The following FBN2 variants were observed in gnomAD, a reference collection of about 807,000 sequenced individuals.
The protein encoded by FBN2 is fibrillin 2, also known as fibrillin-2.
Under a neutral mutation model 355.6 loss-of-function variants are expected in FBN2, and 105 were observed. The observed-to-expected ratio is 0.30, with a 90% confidence interval of 0.25 to 0.35. The LOEUF is 0.35. Ranked by LOEUF, FBN2 falls within the 10% of genes least tolerant of loss-of-function variation. The pLI is 1.00. For synonymous variants in FBN2, 1,350 were observed against 1,301.2 expected (o/e 1.04, Z -0.81); for missense variants, 3,280 against 3,758.7 (o/e 0.87, Z 3.33).
intron 5 of FBN2, among the ~76,000 whole-genome samples, chr5:128,468,400 A>G (rs1561471454): frequency 6.6e-6 from 1 of 152,178 alleles, no homozygotes; most frequent in African/African-American, 2.4e-5. Flanking sequence ...CATCTGCATG[A>G]AAGTCTTTGT....
intron 15 of FBN2, among the ~76,000 whole-genome samples, chr5:128,372,750 C>T (rs1751974546): frequency 6.6e-6 from 1 of 152,120 alleles, no homozygotes; most frequent in Non-Finnish European, 1.5e-5. Context: ...ACTCGGAATC[C>T]CAAAGTGCTG....
intron 19 of FBN2, among the ~76,000 whole-genome samples, chr5:128,358,897 G>A (rs539138751): frequency 2.6e-5 from 4 of 151,932 alleles, no homozygotes; most frequent in South Asian, 2.1e-4. Context: ...AAACATATGC[G>A]CTGACAACTA....
chr5:128,497,887 G>A (rs1315041720), intron 5 of FBN2, among the ~76,000 whole-genome samples: 2 of 152,272 alleles, frequency 1.3e-5, no homozygotes, highest in Middle Eastern at 3.4e-3. Flanking sequence ...AACATACTTA[G>A]TGAAATAACT....
intron 7 of FBN2, among the ~76,000 whole-genome samples, chr5:128,427,290 A>G (rs543747560): frequency 6.0e-4 from 91 of 152,318 alleles, no homozygotes; most frequent in African/African-American, 2.1e-3. Context: ...GAGCAACTTA[A>G]TAAGCAAGAA....
At chr5:128,442,223 G>A (rs568377374) in intron 7 of FBN2, 10 of 431,662 alleles carry the variant, frequency 2.3e-5, no homozygotes, top group South Asian at 1.7e-4. Flanking sequence ...GCCATTTAAG[G>A]GAAACTTTCC....
intron 8 of FBN2, among the ~76,000 whole-genome samples, chr5:128,402,652 T>C (rs1401159995): frequency 6.6e-6 from 1 of 152,128 alleles, no homozygotes; most frequent in Non-Finnish European, 1.5e-5. Context: ...CATTAAGAAA[T>C]GAAGGGTTCA....
At chr5:128,456,002 A>AAAAAAAAAAAAAAAAC in intron 6 of FBN2, among the ~76,000 whole-genome samples, 1 of 140,772 alleles carries the variant, frequency 7.1e-6, no homozygotes, top group Non-Finnish European at 1.5e-5. Flanking sequence ...AAAAAAAAAA[A>AAAAAAAAAAAAAAAAC]AAAAAAAAAA....
At chr5:128,449,418 CTATATAATAGTATA>C (rs1754171000) in intron 6 of FBN2, among the ~76,000 whole-genome samples, 1 of 140,856 alleles carries the variant, frequency 7.1e-6, no homozygotes, top group Non-Finnish European at 1.5e-5. Flanking sequence ...ATATAGTATA[CTATATAATAGTATA>C]CTGTATAATT....
intron 7 of FBN2, among the ~76,000 whole-genome samples, chr5:128,435,385 A>T (rs981222140): frequency 6.6e-6 from 1 of 152,186 alleles, no homozygotes; most frequent in Non-Finnish European, 1.5e-5. Flanking sequence ...TTTTTAAAAG[A>T]ATTTATTTAT....
intron 55 of FBN2, among the ~76,000 whole-genome samples, chr5:128,283,390 TGAA>T (rs1554117542): frequency 6.6e-6 from 1 of 152,236 alleles, no homozygotes; most frequent in Non-Finnish European, 1.5e-5. Flanking sequence ...TGAAACCTCC[TGAA>T]GAAGTCACCA....
intron 6 of FBN2, among the ~76,000 whole-genome samples, chr5:128,451,459 G>A (rs536849235): frequency 2.0e-5 from 3 of 152,034 alleles, no homozygotes; most frequent in Non-Finnish European, 2.9e-5. Flanking sequence ...GAGTGCAATG[G>A]TGCGATCTCG....
intron 5 of FBN2, among the ~76,000 whole-genome samples, chr5:128,468,378 T>C (rs1036584129): frequency 6.6e-6 from 1 of 152,248 alleles, no homozygotes; most frequent in Middle Eastern, 3.2e-3. Context: ...TTATAAATAA[T>C]GCTGCAATGA....
intron 5 of FBN2, among the ~76,000 whole-genome samples, chr5:128,482,232 T>C (rs756212628): frequency 6.6e-6 from 1 of 152,108 alleles, no homozygotes; most frequent in African/African-American, 2.4e-5. Flanking sequence ...TGGGAGGATG[T>C]TTACTTTGTC....
intron 17 of FBN2, 72 bp downstream of exon 17, chr5:128,366,302 ATAT>A (rs1751765520): frequency 1.4e-6 from 1 of 714,400 alleles, no homozygotes; most frequent in Non-Finnish European, 2.4e-6. Context: ...AAATATACTC[ATAT>A]TAATATTAGA....
chr5:128,455,415 T>C (rs890724684), intron 6 of FBN2, among the ~76,000 whole-genome samples: 2 of 152,154 alleles, frequency 1.3e-5, no homozygotes, highest in Non-Finnish European at 2.9e-5. Context: ...CCATCAAGAA[T>C]TGATATGACT....
intron 7 of FBN2, chr5:128,441,937 GATTT>G (rs1753932524): frequency 6.6e-6 from 1 of 152,282 alleles, no homozygotes; most frequent in Non-Finnish European, 1.5e-5. Flanking sequence ...AATGTTAATG[GATTT>G]ATTTTTATTT....
rs771921429 is a variant in FBN2, at chr5:128,311,294, T to C, written c.5074+6A>G. 1.2e-6 allele frequency: 2 copies of C among 1,613,922 alleles called. No homozygotes were observed. The highest frequency in any genetic ancestry group is 1.7e-6 in the Non-Finnish European group (2 of 1,179,972). On this transcript the variant is annotated splice_donor_region_variant and intron_variant, in intron 39 of 64. Coordinates refer to ENST00000262464, the MANE Select transcript of FBN2 (RefSeq NM_001999.4). ...CTGAGCATTTTAGGCATCAAATTCATCTCACCTTCACAGATGCGGGTATCC... is the reference window on the plus strand; with the variant it reads ...CTGAGCATTTTAGGCATCAAATTCACCTCACCTTCACAGATGCGGGTATCC...
rs529699610 is a variant in FBN2, at chr5:128,517,590, AAT to A, written c.628+1681_628+1682del. ...TCTCAATTACATTAAAAATAATAAA[AAT>A]ATCTTGATGTATATATACATCCAAA... On this transcript the variant is annotated intron_variant, in intron 5 of 64. Coordinates refer to ENST00000262464, the MANE Select transcript of FBN2 (RefSeq NM_001999.4). Among the ~76,000 whole-genome samples, 11 of 152,290 alleles carry A rather than the reference AAT, an allele frequency of 7.2e-5. No individual in the cohort carries two copies. The South Asian group carries it at 2.3e-3, about 32-fold the overall frequency.
intron 26 of FBN2, 95 bp from the exon 27 acceptor site, chr5:128,338,217 T>A: frequency 8.2e-7 from 1 of 1,216,046 alleles, no homozygotes; most frequent in Non-Finnish European, 1.2e-6. Context: ...GATGTGAGAG[T>A]GTGAGTTAGT....
Sources: gnomAD v4.1 joint callset for allele counts (sites outside exome capture counted in the v4.1 genomes callset) on GRCh38, gnomAD v4.1.1 for gene constraint, MANE v1.5 for transcripts, NCBI Gene and HGNC (gene_info 2026-07-23, HGNC 2026-07-21) for gene names.